Variants in ABCA13 observed in about 807,000 individuals in gnomAD.
ABCA13 encodes the protein ATP-binding cassette sub-family A member 13.
In ABCA13, 476 loss-of-function variants were observed where a neutral mutation model predicts 478.7. The observed-to-expected ratio is 0.99, with a 90% CI of 0.92 to 1.07. The LOEUF is 1.07. Ranked by LOEUF, ABCA13 falls within the 50% of genes least tolerant of loss-of-function variation. The probability of loss-of-function intolerance (pLI) is 0.00; values close to 1 mark genes in which losing one functional copy is unlikely to be tolerated. For missense variants in ABCA13, 6,060 were observed against 5,910.6 expected, an observed-to-expected ratio of 1.03 and a Z score of -0.83; for synonymous variants, 2,252 against 2,158.9, an observed-to-expected ratio of 1.04 and a Z score of -1.20.
chr7:48,440,634 GATT>G (rs1312081671), intron 42 of ABCA13, among the ~76,000 whole-genome samples: 1 of 151,870 alleles, frequency 6.6e-6, no homozygotes, highest in Non-Finnish European at 1.5e-5. Flanking sequence ...ATGAAACTAT[GATT>G]ATTAGGTTCT....
rs755812747 is a variant in ABCA13, at chr7:48,276,274, T to A, written c.6608T>A (p.Leu2203Gln). 1.7e-5 allele frequency: 27 copies of A among 1,565,124 alleles called. No homozygotes were observed. Among genetic ancestry groups the A allele is most frequent in the Non-Finnish European group, 2.2e-5 (25 of 1,154,482 alleles). ...CTGACTAATTTCTCAGTTGTTCAGCTGCTTTTTGAAAACATCCTAATTAAT... is the reference window on the plus strand; with the variant it reads ...CTGACTAATTTCTCAGTTGTTCAGCAGCTTTTTGAAAACATCCTAATTAAT... ...EQLTNFSVVQLLFENILINLI... is the reference protein window; with the variant it reads ...EQLTNFSVVQQLFENILINLI... The change falls in exon 17 of 62, where the codon CTG becomes CAG. Residue 2203 changes from leucine (L) to glutamine (Q), a missense_variant. Around this residue, in one of 3 missense-constraint regions of ABCA13, gnomAD observed 4,423 missense variants for 4,309.1 expected, o/e 1.03. Coordinates refer to ENST00000435803, the MANE Select transcript of ABCA13 (RefSeq NM_152701.5).
intron 55 of ABCA13, among the ~76,000 whole-genome samples, chr7:48,536,117 G>A (rs1833560154): frequency 6.6e-6 from 1 of 152,174 alleles, no homozygotes; most frequent in South Asian, 2.1e-4. Context: ...GTCTGAGCAG[G>A]AGCTGCAGGC....
At chr7:48,396,468 G>A (rs1457074269) in intron 38 of ABCA13, among the ~76,000 whole-genome samples, 1 of 152,192 alleles carries the variant, frequency 6.6e-6, no homozygotes. Flanking sequence ...AGGAGATGGT[G>A]CCATGCAGCT....
chr7:48,505,208 G>T (rs551486952), intron 48 of ABCA13, among the ~76,000 whole-genome samples: 151 of 152,182 alleles, frequency 9.9e-4, no homozygotes, highest in African/African-American at 3.5e-3. Context: ...ACGTGGCTGA[G>T]TTCCCAATAG....
chr7:48,333,530 T>C (rs1805736515), intron 27 of ABCA13, among the ~76,000 whole-genome samples: 1 of 152,226 alleles, frequency 6.6e-6, no homozygotes, highest in South Asian at 2.1e-4. Flanking sequence ...GTATCATGGG[T>C]ATTCTAAGCA....
In ABCA13 at chr7:48,313,151, C is replaced by T. The variant is rs1354833068; in HGVS notation, c.9601C>T (p.Gln3201Ter). The T allele has an allele frequency of 6.2e-7, 1 of 1,613,090 alleles. No individual in the cohort carries two copies. Residue 3201 changes from glutamine to a stop codon, truncating the protein, a stop_gained, in exon 25 of 62, where the codon CAG (glutamine) becomes TAG (stop). Coordinates refer to ENST00000435803, the MANE Select transcript of ABCA13 (RefSeq NM_152701.5). LOFTEE classifies it high-confidence loss of function. ...SSLSALLAKA[Q>*]HVFEYLPEFL... ...CCTCAGCGCCTTGCTTGCCAAAGCC[C>T]AGCACGTCTTTGAGTATCTTCCTGA...
intron 55 of ABCA13, among the ~76,000 whole-genome samples, chr7:48,552,050 TA>T (rs1322064445): frequency 6.6e-6 from 1 of 151,916 alleles, no homozygotes; most frequent in East Asian, 1.9e-4. Context: ...CAAGGCTTAG[TA>T]GTATTTTCAT....
intron 29 of ABCA13, among the ~76,000 whole-genome samples, chr7:48,348,182 C>T (rs894264086): frequency 1.3e-5 from 2 of 152,214 alleles, no homozygotes; most frequent in Non-Finnish European, 2.9e-5. Flanking sequence ...AATCCTTCCA[C>T]GTCAGTGCTG....
intron 4 of ABCA13, 52 bp from the exon 5 acceptor site, chr7:48,221,228 GT>G: frequency 1.1e-6 from 1 of 930,374 alleles, no homozygotes; most frequent in Non-Finnish European, 1.7e-6. Context: ...CATTTAGCAT[GT>G]GCTTTTTCAT....
intron 3 of ABCA13, among the ~76,000 whole-genome samples, chr7:48,213,509 T>C (rs1040433322): frequency 6.6e-6 from 1 of 152,204 alleles, no homozygotes; most frequent in Non-Finnish European, 1.5e-5. Context: ...GATCTTGTTT[T>C]GTTGCCGATG....
rs149655106 is a variant in ABCA13, at chr7:48,375,328, A to G, written c.11203+912A>G. 3.4e-4 allele frequency among the ~76,000 whole-genome samples: 51 copies of G among 152,054 alleles called. No homozygotes were observed. The East Asian group carries it at 6.2e-3, about 19-fold the overall frequency. ...ATCTGTCTTCCTGGATCCTCTACCCATGTTTTCTAGTTCTTCCTTTCTAAT... is the reference window on the plus strand; with the variant it reads ...ATCTGTCTTCCTGGATCCTCTACCCGTGTTTTCTAGTTCTTCCTTTCTAAT... On this transcript the variant is annotated intron_variant, in intron 34 of 61. Transcript: ENST00000435803.
chr7:48,301,891 A>G (rs1045185844), intron 23 of ABCA13, among the ~76,000 whole-genome samples: 13 of 152,218 alleles, frequency 8.5e-5, no homozygotes, highest in African/African-American at 3.1e-4. Context: ...ATTCACTAAA[A>G]TAAAGTGAAA....
chr7:48,324,344 C>T (rs1404391831), intron 27 of ABCA13, among the ~76,000 whole-genome samples: 1 of 152,134 alleles, frequency 6.6e-6, no homozygotes. Flanking sequence ...TTAGAGTCCA[C>T]CCCAATGACC....
intron 35 of ABCA13, among the ~76,000 whole-genome samples, chr7:48,378,282 C>T (rs969657440): frequency 5.3e-5 from 8 of 152,120 alleles, no homozygotes; most frequent in African/African-American, 1.2e-4. Context: ...AGTATTGAGT[C>T]GTTCCTTATC....
At chr7:48,237,197 C>A (rs1030254400) in intron 8 of ABCA13, among the ~76,000 whole-genome samples, 6 of 152,006 alleles carry the variant, frequency 3.9e-5, no homozygotes, top group African/African-American at 7.3e-5. Context: ...GAGGAAGTCA[C>A]ATATCTTGTG....
chr7:48,466,275 G>C (rs150935540), intron 43 of ABCA13, among the ~76,000 whole-genome samples: 1 of 152,274 alleles, frequency 6.6e-6, no homozygotes, highest in East Asian at 1.9e-4. Flanking sequence ...ACAGTGACAT[G>C]AATAGTGTCT....
chr7:48,222,723 A>C (rs1393657154), intron 5 of ABCA13, among the ~76,000 whole-genome samples: 1 of 152,168 alleles, frequency 6.6e-6, no homozygotes, highest in African/African-American at 2.4e-5. Flanking sequence ...GTTACAATGA[A>C]AGAGTTCTAT....
chr7:48,516,419 A>G (rs959836288), intron 51 of ABCA13, among the ~76,000 whole-genome samples: 3 of 152,108 alleles, frequency 2.0e-5, no homozygotes, highest in African/African-American at 7.2e-5. Flanking sequence ...GCAGCATGGC[A>G]GTGCTTGTGT....
At chr7:48,241,876 G>A (rs1158374597) in intron 10 of ABCA13, among the ~76,000 whole-genome samples, 2 of 152,144 alleles carry the variant, frequency 1.3e-5, no homozygotes, top group South Asian at 2.1e-4. Flanking sequence ...ACAGGATCTT[G>A]CTTTTGAAGG....
Sources: gnomAD v4.1 joint callset for allele counts (sites outside exome capture counted in the v4.1 genomes callset) on GRCh38, gnomAD v4.1.1 for gene constraint, gnomAD v4.1.1 regional missense constraint, MANE v1.5 for transcripts, NCBI Gene and HGNC (gene_info 2026-07-23, HGNC 2026-07-21) for gene names.